PTPRN2: variants seen among roughly 807,000 people sequenced by gnomAD.
PTPRN2 encodes the protein receptor-type tyrosine-protein phosphatase N2.
In PTPRN2, 74 loss-of-function variants were observed where a neutral mutation model predicts 118.8. That is an observed-to-expected ratio of 0.62 (90% confidence interval 0.52 to 0.76). The LOEUF (loss-of-function observed/expected upper bound fraction) is 0.76, where lower values mean the gene tolerates loss of function less well. PTPRN2 is among the 30% of genes least tolerant of loss of function. PTPRN2 has a pLI of 0.00. For synonymous variants in PTPRN2, 641 were observed against 608.0 expected, an observed-to-expected ratio of 1.05 and a Z score of -0.80; for missense variants, 1,481 against 1,394.4, an observed-to-expected ratio of 1.06 and a Z score of -0.99.
chr7:158,370,275 T>A (rs914261030), intron 2 of PTPRN2, among the ~76,000 whole-genome samples: 1 of 151,248 alleles, frequency 6.6e-6, no homozygotes, highest in African/African-American at 2.4e-5. Flanking sequence ...CCATCTCTAT[T>A]AAAAATACAA....
intron 11 of PTPRN2, among the ~76,000 whole-genome samples, chr7:158,011,072 C>T (rs539829371): frequency 2.4e-4 from 37 of 152,364 alleles, no homozygotes; most frequent in African/African-American, 8.7e-4. Context: ...TCCCAGCAAA[C>T]ACCACAAAGG....
At chr7:158,159,474 G>C (rs902809431) in intron 6 of PTPRN2, among the ~76,000 whole-genome samples, 3 of 152,208 alleles carry the variant, frequency 2.0e-5, no homozygotes, top group Admixed American at 1.3e-4. Flanking sequence ...GTGAAATTCA[G>C]AACCAAAAGT....
intron 5 of PTPRN2, among the ~76,000 whole-genome samples, chr7:158,168,275 A>T (rs1823210060): frequency 6.6e-6 from 1 of 152,224 alleles, no homozygotes; most frequent in Non-Finnish European, 1.5e-5. Flanking sequence ...ACTCAGCTTT[A>T]ACTAAAGGTC....
chr7:158,081,459 G>T, intron 10 of PTPRN2, 82 bp from the exon 11 acceptor site: 1 of 1,387,952 alleles, frequency 7.2e-7, no homozygotes, highest in Non-Finnish European at 1.0e-6. Flanking sequence ...GAAAACACTG[G>T]TGTGTTTTTA....
chr7:158,213,349 T>C (rs1193902993), intron 3 of PTPRN2, among the ~76,000 whole-genome samples: 1 of 152,062 alleles, frequency 6.6e-6, no homozygotes, highest in African/African-American at 2.4e-5. Context: ...CACAAATATT[T>C]TTTTCACATG....
rs1802560725 is a variant in PTPRN2 at position 157,974,196 on chromosome 7, G to A, written c.1724-75459C>T. ...ATGATCATTGTGGAAAGAATGGACA[G>A]CACCCTGGTTGATGTGCAGAGTGAC... On this transcript the variant is annotated intron_variant, in intron 11 of 22. Transcript: ENST00000389418. This position sits in a 1 kb window ranked among gnomAD's most constrained non-coding sequence, Gnocchi z 4.0. 6.6e-6 allele frequency among the ~76,000 whole-genome samples: 1 copy of A among 152,226 alleles called. No homozygotes were observed. Among genetic ancestry groups the A allele is most frequent in the African/African-American group, 2.4e-5 (1 of 41,456 alleles).
chr7:158,160,552 T>A (rs1225022597), intron 6 of PTPRN2, among the ~76,000 whole-genome samples: 1 of 152,216 alleles, frequency 6.6e-6, no homozygotes, highest in South Asian at 2.1e-4. Context: ...TTTTTGTACA[T>A]CTGCATTTGC....
At chr7:158,085,922 C>T (rs1813370675) in intron 10 of PTPRN2, among the ~76,000 whole-genome samples, 2 of 151,306 alleles carry the variant, frequency 1.3e-5, no homozygotes, top group Admixed American at 1.3e-4. Flanking sequence ...CATGCCCATC[C>T]ACACCCATGA....
At chr7:158,061,774 T>C (rs1227928139) in intron 11 of PTPRN2, among the ~76,000 whole-genome samples, 1 of 152,208 alleles carries the variant, frequency 6.6e-6, no homozygotes, top group Non-Finnish European at 1.5e-5. Context: ...TGTTAACCTG[T>C]CAAAGCATCA....
intron 1 of PTPRN2, among the ~76,000 whole-genome samples, chr7:158,503,145 C>T (rs943950011): frequency 1.3e-5 from 2 of 150,830 alleles, no homozygotes; most frequent in African/African-American, 4.9e-5. Flanking sequence ...CTGTGTCCAT[C>T]AACTACTGTG....
At chr7:157,799,858 C>T (rs1381448214) in intron 12 of PTPRN2, among the ~76,000 whole-genome samples, 19 of 130,692 alleles carry the variant, frequency 1.5e-4, no homozygotes, top group African/African-American at 5.1e-4. Flanking sequence ...GCACCACAGC[C>T]GGCCCCCTCC....
chr7:157,586,561 C>T (rs539050292), intron 17 of PTPRN2, among the ~76,000 whole-genome samples: 6 of 152,244 alleles, frequency 3.9e-5, no homozygotes, highest in Non-Finnish European at 8.8e-5. Flanking sequence ...GGCTGCCAGA[C>T]ACCGGGTCTG....
chr7:158,191,362 A>T (rs1396042161), intron 5 of PTPRN2, among the ~76,000 whole-genome samples: 1 of 152,116 alleles, frequency 6.6e-6, no homozygotes, highest in Non-Finnish European at 1.5e-5. Flanking sequence ...AAGTGTGTCA[A>T]ATTAGAGCTG....
chr7:158,353,149 C>T (rs968224019), intron 2 of PTPRN2, among the ~76,000 whole-genome samples: 1 of 152,250 alleles, frequency 6.6e-6, no homozygotes, highest in Non-Finnish European at 1.5e-5. Flanking sequence ...AGCCGTGCTG[C>T]CCACTGGGAG....
chr7:158,041,638 G>A (rs1375855222), intron 11 of PTPRN2, among the ~76,000 whole-genome samples: 7 of 151,346 alleles, frequency 4.6e-5, no homozygotes, highest in Non-Finnish European at 8.8e-5. Context: ...CAAGAGAGAG[G>A]GACTATGTCT....
intron 14 of PTPRN2, among the ~76,000 whole-genome samples, chr7:157,640,388 T>G (rs376671762): frequency 6.6e-6 from 1 of 151,992 alleles, no homozygotes; most frequent in Non-Finnish European, 1.5e-5. Context: ...GACAGAAAGA[T>G]AGAGAAAATA....
chr7:158,363,744 G>A (rs1348381974), intron 2 of PTPRN2, among the ~76,000 whole-genome samples: 1 of 152,190 alleles, frequency 6.6e-6, no homozygotes, highest in Non-Finnish European at 1.5e-5. Context: ...GGAGGGGGCG[G>A]GGCACGGGCC....
intron 11 of PTPRN2, among the ~76,000 whole-genome samples, chr7:158,062,914 G>C (rs764128341): frequency 6.6e-6 from 1 of 152,232 alleles, no homozygotes; most frequent in African/African-American, 2.4e-5. Context: ...CCTGCTCCGC[G>C]GCGCCCAGTC....
chr7:158,272,003 C>T (rs1055033551), intron 3 of PTPRN2, among the ~76,000 whole-genome samples: 11 of 152,310 alleles, frequency 7.2e-5, no homozygotes, highest in East Asian at 1.9e-4. Flanking sequence ...AAAATGAATT[C>T]GTTTGACATT....
Sources: gnomAD v4.1 joint callset for allele counts (sites outside exome capture counted in the v4.1 genomes callset) on GRCh38, gnomAD v4.1.1 for gene constraint, Gnocchi (gnomAD v3.1) non-coding constraint, MANE v1.5 for transcripts, NCBI Gene and HGNC (gene_info 2026-07-23, HGNC 2026-07-21) for gene names.